TRPM6: variants seen among roughly 807,000 people sequenced by gnomAD.
The protein encoded by TRPM6 is channel kinase 2.
Under a neutral mutation model 247.6 loss-of-function variants are expected in TRPM6, and 111 were observed. That is an observed-to-expected ratio of 0.45 (90% CI 0.38 to 0.52). TRPM6 has a LOEUF of 0.52. TRPM6 is among the 20% of genes least tolerant of loss of function. TRPM6 has a pLI of 0.00. For missense variants in TRPM6, 2,126 were observed against 2,421.5 expected (o/e 0.88, Z 2.56); for synonymous variants, 892 against 853.8 (o/e 1.04, Z -0.78).
At chr9:74,782,925 C>T (rs1183147944) in intron 21 of TRPM6, 72 bp from the exon 22 acceptor site, 22 of 1,404,690 alleles carry the variant, frequency 1.6e-5, no homozygotes, top group Non-Finnish European at 2.1e-5. Context: ...ACACCAGCAG[C>T]CATCATAACT....
chr9:74,856,518 AAAT>A (rs1830531569), intron 2 of TRPM6, among the ~76,000 whole-genome samples: 1 of 151,738 alleles, frequency 6.6e-6, no homozygotes, highest in African/African-American at 2.4e-5. Flanking sequence ...AGTCTAGTTA[AAAT>A]AATGGAAGAA....
In TRPM6 at chr9:74,842,123, A is replaced by AG. The variant is rs1564042600; in HGVS notation, c.330+42_330+43insC. 3 of 1,611,994 alleles carry AG rather than the reference A, an allele frequency of 1.9e-6. No individual in the cohort carries two copies. In the East Asian group the frequency reaches 6.7e-5, roughly 36 times the overall value. On this transcript the variant is annotated intron_variant, in intron 4 of 38. Coordinates refer to ENST00000360774, the MANE Select transcript of TRPM6 (RefSeq NM_017662.5). Reference sequence around the variant, plus strand: ...CAAAACCCCGTCTCGAAAAAAAAAAAAAAAGAAAGAAACCAGCAAAACAAT... The same window carrying AG: ...CAAAACCCCGTCTCGAAAAAAAAAAAGAAAAGAAAGAAACCAGCAAAACAAT...
chr9:74,850,371 C>CA (rs1383280925), intron 3 of TRPM6, among the ~76,000 whole-genome samples: 8 of 148,280 alleles, frequency 5.4e-5, no homozygotes, highest in East Asian at 2.0e-4. Context: ...GACTCTGTCT[C>CA]AAAAAAAAAG....
At chr9:74,751,396 G>A (rs1164507306) in intron 29 of TRPM6, among the ~76,000 whole-genome samples, 1 of 152,160 alleles carries the variant, frequency 6.6e-6, no homozygotes, top group East Asian at 1.9e-4. Flanking sequence ...AACGTAGAAA[G>A]TGGCAGAGCC....
At chr9:74,743,572 T>C (rs1825932474) in intron 32 of TRPM6, among the ~76,000 whole-genome samples, 1 of 152,232 alleles carries the variant, frequency 6.6e-6, no homozygotes, top group South Asian at 2.1e-4. Context: ...ATTCCCACTT[T>C]GAAAGAAAGA....
At chr9:74,816,859 G>A in intron 10 of TRPM6, 33 bp downstream of exon 10, 2 of 1,611,730 alleles carry the variant, frequency 1.2e-6, no homozygotes, top group Non-Finnish European at 1.7e-6. Context: ...AAGCGTAAAT[G>A]AGGAACAATT....
chr9:74,787,129 G>A (rs192737811), intron 20 of TRPM6, among the ~76,000 whole-genome samples: 5 of 152,286 alleles, frequency 3.3e-5, no homozygotes, highest in East Asian at 1.9e-4. Flanking sequence ...GAGGTCAGGA[G>A]TTCAAGACCA....
intron 20 of TRPM6, among the ~76,000 whole-genome samples, chr9:74,787,821 T>C (rs935627280): frequency 6.6e-6 from 1 of 152,146 alleles, no homozygotes; most frequent in African/African-American, 2.4e-5. Flanking sequence ...ATTCAAGCAA[T>C]TCTCCTGCCT....
rs1312105106 is a variant in TRPM6 at position 74,722,934 on chromosome 9, G to A, written c.*1679C>T. 6.6e-6 allele frequency: 1 copy of A among 152,178 alleles called. No homozygotes were observed. Among genetic ancestry groups the A allele is most frequent in the African/African-American group, 2.4e-5 (1 of 41,446 alleles). 9.4% of individuals were successfully genotyped at this position (152,178 alleles called of 1,614,324 possible). Reference sequence around the variant, plus strand: ...TTAAAGCAAGCTCACTAGCAAGTCAGCTAATGTCAGGATTAAAGATAAAAA... The same window carrying A: ...TTAAAGCAAGCTCACTAGCAAGTCAACTAATGTCAGGATTAAAGATAAAAA... On this transcript the variant is annotated 3_prime_UTR_variant, in exon 39 of 39. Coordinates refer to ENST00000360774, the MANE Select transcript of TRPM6 (RefSeq NM_017662.5).
In TRPM6 at chr9:74,732,537, T is replaced by A. The variant is rs1355554379; in HGVS notation, c.5828+148A>T. On this transcript the variant is annotated intron_variant, in intron 37 of 38. Transcript: ENST00000360774. Reference sequence around the variant, plus strand: ...TTTCCTAACCTATGCTTTTTTATAATCTTATTGTTTTTGGTCTATATACAT... The same window carrying A: ...TTTCCTAACCTATGCTTTTTTATAAACTTATTGTTTTTGGTCTATATACAT... The A allele has an allele frequency of 1.9e-5, 11 of 565,514 alleles. No individual in the cohort carries two copies. In the African/African-American group the frequency reaches 2.1e-4, roughly 11 times the overall value. The allele number at this position is 565,514 out of a possible 1,614,324, so 35.0% of individuals were successfully genotyped here. A position where few individuals can be genotyped will look rare whatever the true frequency, so the allele number is the denominator to read the frequency against.
chr9:74,831,942 A>G (rs1311661802), intron 6 of TRPM6, among the ~76,000 whole-genome samples: 1 of 152,242 alleles, frequency 6.6e-6, no homozygotes, highest in Non-Finnish European at 1.5e-5. Context: ...GAGCATGTAA[A>G]CTAATAAACA....
At chr9:74,874,033 C>A (rs1011337246) in intron 1 of TRPM6, among the ~76,000 whole-genome samples, 5 of 151,826 alleles carry the variant, frequency 3.3e-5, no homozygotes, top group Non-Finnish European at 5.9e-5. Context: ...GTCAGGGGTT[C>A]AAGACCAGCC....
chr9:74,795,919 C>T (rs188464507), intron 18 of TRPM6, among the ~76,000 whole-genome samples: 2 of 152,188 alleles, frequency 1.3e-5, no homozygotes, highest in East Asian at 3.9e-4. Flanking sequence ...CCAGAAGTGC[C>T]TTCTTTATAT....
Position 74,762,219 on chromosome 9 carries a change from G to A in TRPM6, c.4452C>T (p.Ser1484=). Residue 1484 remains serine (S), a synonymous_variant, in exon 26 of 39, where the codon TCC becomes TCT. Coordinates refer to ENST00000360774, the MANE Select transcript of TRPM6 (RefSeq NM_017662.5). ...GCTTCTGGTGCTGTTCACTCCGAGA[G>A]GAATCACTGTCACAAGTGGAGGGCA... ...TCLPSTCDSD[S]SRSEQHQKQA... is the part of the protein sequence containing the mutation. The A allele has an allele frequency of 6.2e-7, 1 of 1,614,202 alleles. No individual in the cohort carries two copies. The highest frequency in any genetic ancestry group is 8.5e-7 in the Non-Finnish European group (1 of 1,180,044).
At chr9:74,782,599 A>G (rs1827502386) in intron 22 of TRPM6, 80 bp downstream of exon 22, 1 of 1,544,998 alleles carries the variant, frequency 6.5e-7, no homozygotes, top group Non-Finnish European at 8.9e-7. Flanking sequence ...TAAGATTTAG[A>G]TGATTGTTTT....
intron 37 of TRPM6, among the ~76,000 whole-genome samples, chr9:74,732,455 G>T (rs1426718608): frequency 1.3e-5 from 2 of 152,150 alleles, no homozygotes; most frequent in East Asian, 3.8e-4. Context: ...CCATTTATGT[G>T]TATAAATCTA....
intron 1 of TRPM6, among the ~76,000 whole-genome samples, chr9:74,865,960 C>A (rs563430227): frequency 6.6e-6 from 1 of 152,128 alleles, no homozygotes; most frequent in Non-Finnish European, 1.5e-5. Context: ...AAATAATTGA[C>A]TTTTAGGAAA....
At position 74,783,191 on chromosome 9, in the gene TRPM6, A is replaced by T. The variant is rs574980603; in HGVS notation, c.2920-338T>A. ...TTGGACCATAGGTTAGGAAAATAAA[A>T]AAAAAAAAATAGGGTATTGTTGAAT... On this transcript the variant is annotated intron_variant, in intron 21 of 38. Coordinates refer to ENST00000360774, the MANE Select transcript of TRPM6 (RefSeq NM_017662.5). Among the ~76,000 whole-genome samples the T allele has an allele frequency of 7.2e-3, 1,103 of 152,240 alleles. 8 individuals are homozygous for T. Among genetic ancestry groups the T allele is most frequent in the Middle Eastern group, 0.02 (6 of 294 alleles).
intron 1 of TRPM6, among the ~76,000 whole-genome samples, chr9:74,861,481 G>A (rs1303560662): frequency 6.6e-6 from 1 of 152,184 alleles, no homozygotes; most frequent in South Asian, 2.1e-4. Flanking sequence ...GGTATCTAAT[G>A]TAGAAGCCTG....
Sources: allele counts gnomAD v4.1 joint callset (sites outside exome capture counted in the v4.1 genomes callset), GRCh38; gene constraint gnomAD v4.1.1; transcripts MANE v1.5; gene names NCBI Gene and HGNC (gene_info 2026-07-23, HGNC 2026-07-21).